RAD51B: variants seen among roughly 807,000 people sequenced by gnomAD.
RAD51B encodes the protein DNA repair protein RAD51 homolog 2.
A neutral mutation model predicts 42.2 loss-of-function variants in RAD51B; 38 were observed. The ratio of observed to expected loss-of-function variants is 0.90; its 90% CI spans 0.70 to 1.18. The LOEUF (loss-of-function observed/expected upper bound fraction) is 1.18. Ranked by LOEUF, RAD51B falls within the 50% of genes most tolerant of loss-of-function variation. The pLI is 0.00. For synonymous variants in RAD51B, 154 were observed against 145.2 expected (o/e 1.06, Z -0.43); for missense variants, 373 against 400.7 (o/e 0.93, Z 0.59).
intron 10 of RAD51B, among the ~76,000 whole-genome samples, chr14:68,506,385 G>C (rs939048149): frequency 1.3e-5 from 2 of 152,164 alleles, no homozygotes; most frequent in Non-Finnish European, 2.9e-5. Flanking sequence ...TCAGGCTCGG[G>C]GTAAATGCTA....
chr14:67,887,825 C>A (rs1950769), intron 7 of RAD51B, among the ~76,000 whole-genome samples: 63,203 of 151,908 alleles, frequency 0.42, 14,325 homozygotes, highest in African/African-American at 0.58. Flanking sequence ...AGATGACAGG[C>A]TATTACAAGG....
chr14:68,039,456 T>C (rs1349003537), intron 7 of RAD51B, among the ~76,000 whole-genome samples: 1 of 150,632 alleles, frequency 6.6e-6, no homozygotes, highest in Non-Finnish European at 1.5e-5. Context: ...AAGTGTGTTA[T>C]ATATCTATAA....
At chr14:67,940,929 T>G (rs566862388) in intron 7 of RAD51B, among the ~76,000 whole-genome samples, 7 of 152,346 alleles carry the variant, frequency 4.6e-5, no homozygotes, top group Admixed American at 3.9e-4. Flanking sequence ...CATGTTTCCT[T>G]CTTACAACGT....
chr14:68,591,835 G>A (rs546552283), intron 10 of RAD51B, among the ~76,000 whole-genome samples: 23 of 152,250 alleles, frequency 1.5e-4, no homozygotes, highest in African/African-American at 5.3e-4. Flanking sequence ...CTGGGATGTG[G>A]AAGTGATTGG....
intron 7 of RAD51B, among the ~76,000 whole-genome samples, chr14:67,966,799 GA>G (rs2074788415): frequency 6.6e-6 from 1 of 152,080 alleles, no homozygotes. Context: ...GTAGATCTTG[GA>G]TATCTTTCCT....
At chr14:67,860,822 A>G (rs923319715) in intron 4 of RAD51B, among the ~76,000 whole-genome samples, 6 of 152,212 alleles carry the variant, frequency 3.9e-5, no homozygotes, top group African/African-American at 1.2e-4. Flanking sequence ...TAGGTAATCT[A>G]TAGCAACACA....
intron 10 of RAD51B, among the ~76,000 whole-genome samples, chr14:68,539,308 C>G (rs1455684560): frequency 6.6e-6 from 1 of 152,156 alleles, no homozygotes; most frequent in Non-Finnish European, 1.5e-5. Context: ...ATGGATCAGC[C>G]AGCCCCACCT....
intron 10 of RAD51B, chr14:68,562,512 A>C: frequency 1.0e-6 from 1 of 985,394 alleles, no homozygotes; most frequent in Middle Eastern, 5.2e-4. Flanking sequence ...TTCCCTCTGC[A>C]GGGTGGAGCC....
chr14:67,835,238 A>AC, intron 4 of RAD51B, 42 bp downstream of exon 4: 1 of 1,363,948 alleles, frequency 7.3e-7, no homozygotes. Flanking sequence ...TTGACCTATA[A>AC]CCTTCAGAGC....
At chr14:68,126,166 G>A (rs1344475922) in intron 7 of RAD51B, among the ~76,000 whole-genome samples, 4 of 151,742 alleles carry the variant, frequency 2.6e-5, no homozygotes, top group Non-Finnish European at 5.9e-5. Context: ...CTTTTTTTGT[G>A]CTAATAATTT....
chr14:68,467,144 T>C (rs1260747931), intron 9 of RAD51B, among the ~76,000 whole-genome samples: 2 of 152,228 alleles, frequency 1.3e-5, no homozygotes, highest in Non-Finnish European at 2.9e-5. Context: ...GTAGAAATAC[T>C]ATAATAAAAT....
intron 10 of RAD51B, among the ~76,000 whole-genome samples, chr14:68,607,242 G>A (rs551144126): frequency 2.0e-5 from 3 of 152,290 alleles, no homozygotes; most frequent in African/African-American, 7.2e-5. Context: ...CTGAGGCTGG[G>A]AGCTCATGCC....
chr14:68,172,801 G>A (rs2078897661), intron 7 of RAD51B, among the ~76,000 whole-genome samples: 1 of 152,170 alleles, frequency 6.6e-6, no homozygotes. Flanking sequence ...TTATGAAAGA[G>A]AAATAAGACA....
intron 10 of RAD51B, among the ~76,000 whole-genome samples, chr14:68,643,877 A>AG (rs556066089): frequency 6.6e-6 from 1 of 152,236 alleles, no homozygotes; most frequent in Admixed American, 6.5e-5. Flanking sequence ...GGTCATGAAA[A>AG]GGGGGTGGGG....
At chr14:68,225,421 C>G (rs2080017374) in intron 7 of RAD51B, among the ~76,000 whole-genome samples, 1 of 152,194 alleles carries the variant, frequency 6.6e-6, no homozygotes, top group Non-Finnish European at 1.5e-5. Flanking sequence ...TTTAAATTTG[C>G]TATGAAGAAG....
intron 7 of RAD51B, among the ~76,000 whole-genome samples, chr14:67,998,375 A>G (rs1379912316): frequency 1.3e-5 from 2 of 152,232 alleles, no homozygotes; most frequent in African/African-American, 2.4e-5. Context: ...TTTCGGAAAA[A>G]TTAGATTCAG....
chr14:68,458,357 A>C (rs1241903148), intron 9 of RAD51B, among the ~76,000 whole-genome samples: 1 of 152,232 alleles, frequency 6.6e-6, no homozygotes, highest in Non-Finnish European at 1.5e-5. Flanking sequence ...GGTTCATAAT[A>C]AAATGTTGAG....
At chr14:68,656,262 G>A (rs1801209385) in intron 11 of RAD51B, among the ~76,000 whole-genome samples, 1 of 152,150 alleles carries the variant, frequency 6.6e-6, no homozygotes, top group African/African-American at 2.4e-5. Flanking sequence ...ACAATCTGGG[G>A]CAGGGTTCTC....
chr14:68,618,277 G>C (rs1290667154), intron 10 of RAD51B, among the ~76,000 whole-genome samples: 1 of 152,178 alleles, frequency 6.6e-6, no homozygotes, highest in African/African-American at 2.4e-5. Context: ...CTAGTTTCTA[G>C]TTGTGCTCAG....
Sources: gnomAD v4.1 joint callset for allele counts (sites outside exome capture counted in the v4.1 genomes callset) on GRCh38, gnomAD v4.1.1 for gene constraint, MANE v1.5 for transcripts, NCBI Gene and HGNC (gene_info 2026-07-23, HGNC 2026-07-21) for gene names.